EXOC3L2: variants seen among roughly 807,000 people sequenced by gnomAD.
EXOC3L2 encodes exocyst complex component 3 like 2.
A neutral mutation model predicts 44.4 loss-of-function variants in EXOC3L2; 17 were observed. That is an observed-to-expected ratio of 0.38 (90% CI 0.26 to 0.57). The LOEUF (loss-of-function observed/expected upper bound fraction) is 0.57. Among genes scored for constraint, EXOC3L2 ranks in the 20% least tolerant of loss-of-function variants. The pLI is 0.65. For synonymous variants in EXOC3L2, 256 were observed against 253.7 expected (o/e 1.01, Z -0.09); for missense variants, 541 against 588.4 (o/e 0.92, Z 0.83).
intron 9 of EXOC3L2, among the ~76,000 whole-genome samples, 167 bp from the exon 10 acceptor site, chr19:45,217,850 G>A (rs905267483): frequency 6.6e-6 from 1 of 151,804 alleles, no homozygotes; most frequent in Non-Finnish European, 1.5e-5. Context: ...GCTATCCTAG[G>A]ATGCCTTCCC....
chr19:45,232,631 G>A (rs1490148224), intron 3 of EXOC3L2, among the ~76,000 whole-genome samples: 1 of 152,122 alleles, frequency 6.6e-6, no homozygotes, highest in African/African-American at 2.4e-5. Flanking sequence ...CCTGGAGGTG[G>A]CTAATCACCA....
intron 11 of EXOC3L2, among the ~76,000 whole-genome samples, chr19:45,214,316 C>T (rs1340681729): frequency 6.6e-6 from 1 of 152,146 alleles, no homozygotes; most frequent in Non-Finnish European, 1.5e-5. Context: ...TTCTGTTTCT[C>T]TGAGTATGTC....
intron 8 of EXOC3L2, among the ~76,000 whole-genome samples, chr19:45,220,911 A>C (rs1969889617): frequency 6.6e-6 from 1 of 151,370 alleles, no homozygotes; most frequent in Non-Finnish European, 1.5e-5. Context: ...GAAGAGGAGA[A>C]TCCAAGTGGT....
Position 45,216,167 on chromosome 19 carries a change from CG to C in EXOC3L2, c.2025del (p.Val676TrpfsTer120). 6.2e-7 allele frequency: 1 copy of C among 1,613,872 alleles called. No homozygotes were observed. Among genetic ancestry groups the C allele is most frequent in the South Asian group, 1.1e-5 (1 of 91,076 alleles). Reference protein sequence around the residue: ...RLESQASWLDAVVPHLAEVMQ... With the variant: ...RLESQASWLDXVVPHLAEVMQ... The stretch of plus-strand genomic sequence containing the variant: ...ATGACTTCAGCCAAATGGGGCACCA[CG>C]GCATCCAGCCACGAGGCCTGGGACT... On this transcript the variant is annotated frameshift_variant, in exon 11 of 12. Transcript: ENST00000413988. LOFTEE classifies it high-confidence loss of function.
intron 4 of EXOC3L2, among the ~76,000 whole-genome samples, chr19:45,229,183 T>G (rs985365569): frequency 2.0e-5 from 3 of 148,800 alleles, no homozygotes; most frequent in Non-Finnish European, 4.5e-5. Flanking sequence ...TGCACGTGTG[T>G]GTATAATTAA....
At chr19:45,227,639 C>T in intron 7 of EXOC3L2, 23 bp downstream of exon 7, 5 of 1,593,088 alleles carry the variant, frequency 3.1e-6, no homozygotes, top group Non-Finnish European at 4.3e-6. Context: ...GTCCTCCCTC[C>T]ATCACACCAT....
intron 3 of EXOC3L2, among the ~76,000 whole-genome samples, chr19:45,232,981 C>T (rs1353102746): frequency 3.9e-5 from 6 of 152,012 alleles, no homozygotes; most frequent in Non-Finnish European, 7.4e-5. Flanking sequence ...TTTGGGAGTT[C>T]GAGGCAAGTG....
intron 4 of EXOC3L2, among the ~76,000 whole-genome samples, chr19:45,228,713 A>G (rs1301012710): frequency 6.6e-6 from 1 of 152,074 alleles, no homozygotes; most frequent in Non-Finnish European, 1.5e-5. Context: ...CAGAGGTTGC[A>G]GTGAGTGGAG....
chr19:45,228,728 T>C (rs541809309), intron 4 of EXOC3L2, among the ~76,000 whole-genome samples: 7 of 151,934 alleles, frequency 4.6e-5, no homozygotes, highest in South Asian at 2.1e-4. Flanking sequence ...GTGGAGATCA[T>C]GCCATTGCAC....
chr19:45,233,302 G>A (rs1028600267), intron 3 of EXOC3L2, among the ~76,000 whole-genome samples: 1 of 152,172 alleles, frequency 6.6e-6, no homozygotes. Context: ...AGGGAATGAG[G>A]CTAAGGTTTA....
At chr19:45,229,219 A>G (rs918299243) in intron 4 of EXOC3L2, among the ~76,000 whole-genome samples, 30 of 124,876 alleles carry the variant, frequency 2.4e-4, no homozygotes, top group African/African-American at 7.6e-4. Context: ...TATGTATTAA[A>G]TATATACATA....
chr19:45,234,093 T>C lies in EXOC3L2; in HGVS notation c.1157+100A>G, dbSNP rs1970057706. On this transcript the variant is annotated intron_variant, in intron 3 of 11. Transcript: ENST00000413988. This position sits in a 1 kb window ranked among gnomAD's most constrained non-coding sequence, Gnocchi z 5.0. ...TAATGGTGTTAAAGTGCTAGGACTG[T>C]AGGGTCAGCTGTCCCAAGGTCCTTA... 8.0e-6 allele frequency: 3 copies of C among 373,100 alleles called. No homozygotes were observed. The highest frequency in any genetic ancestry group is 1.4e-5 in the Non-Finnish European group (3 of 209,554). The allele number at this position is 373,100 out of a possible 1,614,324, so 23.1% of individuals were successfully genotyped here. A position where few individuals can be genotyped will look rare whatever the true frequency, so the allele number is the denominator to read the frequency against.
intron 1 of EXOC3L2, among the ~76,000 whole-genome samples, chr19:45,244,851 A>G (rs1970157174): frequency 6.6e-6 from 1 of 151,828 alleles, no homozygotes; most frequent in South Asian, 2.1e-4. Flanking sequence ...CAATCCTGTC[A>G]TCAGCCCAGA....
chr19:45,228,433 C>T (rs1174989621), intron 4 of EXOC3L2, among the ~76,000 whole-genome samples, 167 bp from the exon 5 acceptor site: 1 of 152,038 alleles, frequency 6.6e-6, no homozygotes, highest in African/African-American at 2.4e-5. Context: ...AGCCAGAAAA[C>T]TTCTGCAGCC....
At chr19:45,241,270 C>T (rs894177666) in intron 1 of EXOC3L2, among the ~76,000 whole-genome samples, 1 of 151,970 alleles carries the variant, frequency 6.6e-6, no homozygotes, top group Non-Finnish European at 1.5e-5. Flanking sequence ...GCGGGCGGAT[C>T]ACAAGGTCAG....
At position 45,213,099 on chromosome 19, in the gene EXOC3L2, CG is replaced by C; in HGVS notation, c.2378del (p.Pro793ArgfsTer3). The C allele has an allele frequency of 6.5e-7, 1 of 1,526,978 alleles. No individual in the cohort carries two copies. Among genetic ancestry groups the C allele is most frequent in the Non-Finnish European group, 8.8e-7 (1 of 1,142,062 alleles). The allele number at this position is 1,526,978 out of a possible 1,614,324, so 94.6% of individuals were successfully genotyped here. On this transcript the variant is annotated frameshift_variant, in exon 12 of 12. Transcript: ENST00000413988. LOFTEE classifies it high-confidence loss of function. ...SLACLPRPRPPSLARPRAQR is the reference protein window; with the variant it reads ...SLACLPRPRPXSLARPRAQR ...GCTGGGCCCGAGGTCGCGCTAGAGA[CG>C]GAGGCCGGGGCCGAGGCAGACAGGC...
intron 8 of EXOC3L2, among the ~76,000 whole-genome samples, chr19:45,222,410 A>C (rs1969908061): frequency 6.6e-6 from 1 of 152,086 alleles, no homozygotes; most frequent in Non-Finnish European, 1.5e-5. Flanking sequence ...CATGTTGGCC[A>C]GGCTGGTCTC....
chr19:45,243,562 G>A (rs73939820), intron 1 of EXOC3L2, among the ~76,000 whole-genome samples: 6,434 of 152,194 alleles, frequency 0.042, 480 homozygotes, highest in African/African-American at 0.15. Flanking sequence ...CTTGCCTGGA[G>A]CCCCCATGGC....
chr19:45,217,602 C>T lies in EXOC3L2; in HGVS notation c.1924G>A (p.Ala642Thr), dbSNP rs748379143. The T allele has an allele frequency of 8.5e-6, 13 of 1,523,434 alleles. No individual in the cohort carries two copies. The South Asian group carries it at 1.2e-4, about 14-fold the overall frequency. The allele number at this position is 1,523,434 out of a possible 1,614,324, so 94.4% of individuals were successfully genotyped here. Residue 642 changes from alanine (A) to threonine (T), a missense_variant, in exon 10 of 12, where the codon GCG becomes ACG. By Grantham distance (58) the Ala-to-Thr change is moderately conservative (BLOSUM62 0). Transcript: ENST00000413988. ...LLRGRLRCSS[A>T]RTRSRVAGRL... ...CCGGCCACGCGGCTGCGGGTCCGCG[C>T]CGAGCTGCAGCGCAGGCGCCCACGG... is the stretch of plus-strand genomic sequence containing the variant.
Sources: gnomAD v4.1 joint callset for allele counts (sites outside exome capture counted in the v4.1 genomes callset) on GRCh38, gnomAD v4.1.1 for gene constraint, Gnocchi (gnomAD v3.1) non-coding constraint, MANE v1.5 for transcripts, NCBI Gene and HGNC (gene_info 2026-07-23, HGNC 2026-07-21) for gene names.